Variants in MAP1B observed in about 807,000 individuals in gnomAD.
MAP1B encodes microtubule-associated protein 1B.
A neutral mutation model predicts 176.1 loss-of-function variants in MAP1B; 12 were observed. The observed-to-expected ratio is 0.07, with a 90% CI of 0.04 to 0.11. The LOEUF (loss-of-function observed/expected upper bound fraction) is 0.11. Ranked by LOEUF, MAP1B falls within the 10% of genes least tolerant of loss-of-function variation. The pLI is 1.00. For synonymous variants in MAP1B, 1,044 were observed against 1,135.0 expected, an observed-to-expected ratio of 0.92 and a Z score of 1.61; for missense variants, 2,523 against 2,990.5, an observed-to-expected ratio of 0.84 and a Z score of 3.65.
intron 2 of MAP1B, among the ~76,000 whole-genome samples, chr5:72,128,544 G>A (rs1329598376): frequency 6.6e-6 from 1 of 152,092 alleles, no homozygotes; most frequent in Non-Finnish European, 1.5e-5. Context: ...CATTTGCACT[G>A]TCCTGATGTG....
rs73125449 is a variant in MAP1B, at chr5:72,176,638, A to G, written c.287-7105A>G. 2.9e-3 allele frequency among the ~76,000 whole-genome samples: 449 copies of G among 152,346 alleles called. 4 individuals are homozygous for G. The highest frequency in any genetic ancestry group is 0.01 in the African/African-American group (424 of 41,572). On this transcript the variant is annotated intron_variant, in intron 2 of 6. Coordinates refer to ENST00000296755, the MANE Select transcript of MAP1B (RefSeq NM_005909.5). Reference sequence around the variant, plus strand: ...TGGACTCTCTGGTGATCAAAGGATTAGATTTTGTCACTACCCATTTCTATG... The same window carrying G: ...TGGACTCTCTGGTGATCAAAGGATTGGATTTTGTCACTACCCATTTCTATG...
At chr5:72,162,427 T>C (rs1403491665) in intron 2 of MAP1B, among the ~76,000 whole-genome samples, 2 of 152,002 alleles carry the variant, frequency 1.3e-5, no homozygotes, top group African/African-American at 4.8e-5. Context: ...CTTCTTCTCT[T>C]ACTTCTTGGA....
At chr5:72,121,267 C>T (rs992771543) in intron 2 of MAP1B, among the ~76,000 whole-genome samples, 1 of 152,262 alleles carries the variant, frequency 6.6e-6, no homozygotes, top group South Asian at 2.1e-4. Context: ...TTCTCTTCTG[C>T]TCTCACCAAT....
chr5:72,127,106 TC>T (rs1488205851), intron 2 of MAP1B, among the ~76,000 whole-genome samples: 2 of 152,240 alleles, frequency 1.3e-5, no homozygotes, highest in Non-Finnish European at 2.9e-5. Flanking sequence ...CCTCAAGAGT[TC>T]TAGGGATTAT....
At chr5:72,152,203 C>G (rs1002726968) in intron 2 of MAP1B, among the ~76,000 whole-genome samples, 1 of 152,164 alleles carries the variant, frequency 6.6e-6, no homozygotes, top group Admixed American at 6.5e-5. Context: ...ATTATCCTAT[C>G]TATGGATATG....
Position 72,198,207 on chromosome 5 carries a change from T to A in MAP1B, c.4852T>A (p.Ser1618Thr), listed in dbSNP as rs1747230822. 6.2e-7 allele frequency: 1 copy of A among 1,614,076 alleles called. No homozygotes were observed. The highest frequency in any genetic ancestry group is 1.7e-5 in the Admixed American group (1 of 60,000). Reference protein sequence around the residue: ...PSKEECPRPMSISPPDFSPKT... With the variant: ...PSKEECPRPMTISPPDFSPKT... ...TAAAGAAGAATGCCCAAGACCGATG[T>A]CAATTTCTCCACCAGATTTCTCCCC... is the stretch of plus-strand genomic sequence containing the variant. The change falls in exon 5 of 7, where the codon TCA becomes ACA. Residue 1618 changes from serine (S) to threonine (T), a missense_variant. This residue lies in a region of MAP1B where 1,925 missense variants were observed against 2,126.0 expected (regional missense o/e 0.91). Coordinates refer to ENST00000296755, the MANE Select transcript of MAP1B (RefSeq NM_005909.5).
Position 72,203,691 on chromosome 5 carries a change from C to T in MAP1B, c.7141C>T (p.Arg2381Trp). The T allele has an allele frequency of 3.1e-6, 5 of 1,613,964 alleles. No homozygotes were observed. Among genetic ancestry groups the T allele is most frequent in the South Asian group, 2.2e-5 (2 of 91,048 alleles). ...NVDVEFFKRV[R>W]SSYYVVSGND... ...TGATGTGGAATTTTTCAAGAGAGTG[C>T]GGTCTTCCTACTACGTGGTGAGTGG... Residue 2381 changes from arginine (R) to tryptophan (W), a missense_variant, in exon 6 of 7, where the codon CGG becomes TGG. Arg to Trp is a moderately radical substitution (Grantham distance 101). This residue lies in a region of MAP1B where 287 missense variants were observed against 401.5 expected (regional missense o/e 0.71). Transcript: ENST00000296755.
chr5:72,194,033 T>A lies in MAP1B; in HGVS notation c.678T>A (p.Leu226=). The change falls in exon 5 of 7, where the codon CTT becomes CTA. Residue 226 remains leucine (L), a synonymous_variant. Coordinates refer to ENST00000296755, the MANE Select transcript of MAP1B (RefSeq NM_005909.5). The surrounding 1 kb of genome is among the most constrained non-coding windows in gnomAD (Gnocchi z 7.2). ...CTATCTTGCCAGAAATGGAAGGACT[T>A]TCTGAGTTTACCGAGTATCTCTCAG... ...SASILPEMEG[L]SEFTEYLSES... 6.2e-7 allele frequency: 1 copy of A among 1,614,192 alleles called. No individual in the cohort carries two copies. The highest frequency in any genetic ancestry group is 2.2e-5 in the East Asian group (1 of 44,882).
At position 72,206,585 on chromosome 5, in the gene MAP1B, A is replaced by G. The variant is rs1747454318; in HGVS notation, c.*1346A>G. The G allele has an allele frequency of 6.6e-6, 1 of 152,550 alleles. No homozygotes were observed. Among genetic ancestry groups the G allele is most frequent in the South Asian group, 2.1e-4 (1 of 4,834 alleles). The allele number at this position is 152,550 out of a possible 1,614,324, so 9.4% of individuals were successfully genotyped here. On this transcript the variant is annotated 3_prime_UTR_variant, in exon 7 of 7. Coordinates refer to ENST00000296755, the MANE Select transcript of MAP1B (RefSeq NM_005909.5). ...CATTAATTTCAACATAATTATGGGA[A>G]CAAGTGTACAGAAGAATTTTTTTTT...
chr5:72,148,197 G>A (rs1262139499), intron 2 of MAP1B, among the ~76,000 whole-genome samples: 4 of 152,164 alleles, frequency 2.6e-5, no homozygotes, highest in Non-Finnish European at 4.4e-5. Flanking sequence ...TGGAACCAAA[G>A]AACAGCTTAG....
intron 2 of MAP1B, among the ~76,000 whole-genome samples, chr5:72,175,013 C>G (rs1384676161): frequency 8.9e-6 from 1 of 112,076 alleles, no homozygotes; most frequent in Non-Finnish European, 1.9e-5. Context: ...TTCCCTCCCT[C>G]CCTTCCTTCC....
chr5:72,134,462 C>T (rs1579989189), intron 2 of MAP1B, among the ~76,000 whole-genome samples: 1 of 152,168 alleles, frequency 6.6e-6, no homozygotes, highest in Non-Finnish European at 1.5e-5. Context: ...CATTGCATGT[C>T]AAACAGGGGA....
At chr5:72,174,965 C>A (rs1324031914) in intron 2 of MAP1B, among the ~76,000 whole-genome samples, 1 of 117,220 alleles carries the variant, frequency 8.5e-6, no homozygotes, top group Non-Finnish European at 1.7e-5. Flanking sequence ...GCCCTTCCTT[C>A]CTTCCCGCCT....
chr5:72,201,400 T>C (rs1747332070), intron 5 of MAP1B, among the ~76,000 whole-genome samples: 1 of 151,958 alleles, frequency 6.6e-6, no homozygotes, highest in African/African-American at 2.4e-5. Context: ...AATAAGCAAA[T>C]GAAATGCCAC....
intron 2 of MAP1B, among the ~76,000 whole-genome samples, chr5:72,163,659 G>A (rs1678854438): frequency 6.6e-6 from 1 of 152,084 alleles, no homozygotes; most frequent in Non-Finnish European, 1.5e-5. Flanking sequence ...GAGCTGTAAG[G>A]GCATGAGGTC....
At chr5:72,177,204 G>C (rs1013517686) in intron 2 of MAP1B, among the ~76,000 whole-genome samples, 2 of 152,186 alleles carry the variant, frequency 1.3e-5, no homozygotes, top group African/African-American at 4.8e-5. Flanking sequence ...GAAGTCTTCT[G>C]TTAGGCTGGG....
In MAP1B at chr5:72,127,172, C is replaced by T. The variant is rs376042180; in HGVS notation, c.286+11373C>T. Reference sequence around the variant, plus strand: ...GCACATTGTTTGTTATCGCTAACTGCGGATGGCCTGAATTTTAATAAGCAT... The same window carrying T: ...GCACATTGTTTGTTATCGCTAACTGTGGATGGCCTGAATTTTAATAAGCAT... On this transcript the variant is annotated intron_variant, in intron 2 of 6. Coordinates refer to ENST00000296755, the MANE Select transcript of MAP1B (RefSeq NM_005909.5). 1.5e-3 allele frequency among the ~76,000 whole-genome samples: 226 copies of T among 152,272 alleles called. 4 individuals are homozygous for T. In the South Asian group the frequency reaches 0.042, roughly 28 times the overall value.
At chr5:72,139,415 T>G (rs577379678) in intron 2 of MAP1B, among the ~76,000 whole-genome samples, 3 of 152,298 alleles carry the variant, frequency 2.0e-5, no homozygotes, top group African/African-American at 7.2e-5. Context: ...CTCTCTGAAC[T>G]GAGAGTTTTC....
At chr5:72,108,683 GC>G (rs549118823) in intron 1 of MAP1B, among the ~76,000 whole-genome samples, 4 of 151,958 alleles carry the variant, frequency 2.6e-5, no homozygotes, top group African/African-American at 4.8e-5. Flanking sequence ...CGCCACACCT[GC>G]CCCCCCACAC....
Sources: allele counts gnomAD v4.1 joint callset (sites outside exome capture counted in the v4.1 genomes callset), GRCh38; gene constraint gnomAD v4.1.1; regional missense constraint gnomAD v4.1.1; non-coding constraint Gnocchi (gnomAD v3.1); transcripts MANE v1.5; gene names NCBI Gene and HGNC (gene_info 2026-07-23, HGNC 2026-07-21).